Variants in WWC2 observed in about 807,000 individuals in gnomAD.
WWC2 encodes WW and C2 domain containing 2, also known as protein WWC2.
WWC2 carries 101 observed loss-of-function variants against 138.5 expected under a neutral mutation model. That is an observed-to-expected ratio of 0.73 (90% confidence interval 0.62 to 0.86). The LOEUF (loss-of-function observed/expected upper bound fraction) is 0.86, where lower values mean the gene tolerates loss of function less well. WWC2 is among the 40% of genes least tolerant of loss of function. WWC2 has a pLI of 0.00. For synonymous variants in WWC2, 558 were observed against 538.4 expected (o/e 1.04, Z -0.50); for missense variants, 1,420 against 1,419.4 (o/e 1.00, Z -0.01).
chr4:183,296,960 A>G (rs1030172923), intron 21 of WWC2, among the ~76,000 whole-genome samples: 1 of 144,968 alleles, frequency 6.9e-6, no homozygotes, highest in Non-Finnish European at 1.5e-5. Context: ...AAAAAAAAAA[A>G]AAAAAAAAAT....
At chr4:183,282,949 G>T (rs1738129019) in intron 18 of WWC2, 43 bp downstream of exon 18, 2 of 1,503,840 alleles carry the variant, frequency 1.3e-6, no homozygotes, top group Non-Finnish European at 1.8e-6. Context: ...TACCTTACAG[G>T]CACCATGTGG....
At chr4:183,268,319 A>G (rs1054309614) in intron 14 of WWC2, among the ~76,000 whole-genome samples, 1 of 152,190 alleles carries the variant, frequency 6.6e-6, no homozygotes, top group Non-Finnish European at 1.5e-5. Flanking sequence ...ACTTTAAGGT[A>G]GTATTAGAAG....
At chr4:183,268,849 T>C (rs749614101) in intron 14 of WWC2, 122 bp from the exon 15 acceptor site, 2 of 1,092,746 alleles carry the variant, frequency 1.8e-6, no homozygotes, top group Non-Finnish European at 2.6e-6. Flanking sequence ...AGCAACACTT[T>C]AGATTGATCT....
chr4:183,240,556 G>C (rs1193188400), intron 5 of WWC2: 1 of 227,672 alleles, frequency 4.4e-6, no homozygotes, highest in Non-Finnish European at 8.4e-6. Flanking sequence ...GGCCTCCTCT[G>C]AGATTGTGGT....
intron 15 of WWC2, among the ~76,000 whole-genome samples, chr4:183,270,590 C>T (rs1737666585): frequency 6.6e-6 from 1 of 151,928 alleles, no homozygotes; most frequent in South Asian, 2.1e-4. Context: ...ATGGTGAAAC[C>T]CTGTCTCTAC....
chr4:183,138,451 G>T (rs1370415320), intron 1 of WWC2, among the ~76,000 whole-genome samples: 1 of 152,110 alleles, frequency 6.6e-6, no homozygotes, highest in Non-Finnish European at 1.5e-5. Context: ...AGTCTGGCCT[G>T]GTGTTTTCTT....
chr4:183,165,193 G>A (rs1231340463), intron 1 of WWC2, among the ~76,000 whole-genome samples: 1 of 152,112 alleles, frequency 6.6e-6, no homozygotes, highest in African/African-American at 2.4e-5. Context: ...AGAGAGGGTA[G>A]AAGAGGTACA....
chr4:183,248,759 G>A lies in WWC2; in HGVS notation c.778G>A (p.Gly260Ser). The part of the protein sequence containing the change: ...QERFHLDQNI[G>S]RSEPDLRCSP... ...GCGGTTTCATTTGGATCAGAACATT[G>A]GCAGATCTGAGCCAGATTTGAGATG... The change falls in exon 7 of 23, where the codon GGC (glycine) becomes AGC (serine). Residue 260 changes from glycine to serine, a missense_variant. Coordinates refer to ENST00000403733, the MANE Select transcript of WWC2 (RefSeq NM_024949.6). The A allele has an allele frequency of 6.2e-7, 1 of 1,603,836 alleles. No individual in the cohort carries two copies. Among genetic ancestry groups the A allele is most frequent in the Non-Finnish European group, 8.5e-7 (1 of 1,174,808 alleles).
chr4:183,264,266 G>T (rs574107327), intron 11 of WWC2, among the ~76,000 whole-genome samples: 3 of 152,172 alleles, frequency 2.0e-5, no homozygotes, highest in Non-Finnish European at 4.4e-5. Flanking sequence ...AGATCCCTGC[G>T]CTCACTCTCA....
intron 1 of WWC2, among the ~76,000 whole-genome samples, chr4:183,153,662 T>TC (rs1733708872): frequency 6.6e-6 from 1 of 150,454 alleles, no homozygotes; most frequent in East Asian, 1.9e-4. Flanking sequence ...TTTTTTTTTT[T>TC]GGTAAGACAT....
chr4:183,284,179 GT>G, intron 18 of WWC2, 46 bp from the exon 19 acceptor site: 1 of 1,601,352 alleles, frequency 6.2e-7, no homozygotes, highest in Non-Finnish European at 8.5e-7. Flanking sequence ...GGAGCATAAT[GT>G]TTACACATCT....
At chr4:183,315,624 A>G in intron 22 of WWC2, 39 bp from the exon 23 acceptor site, 1 of 1,544,268 alleles carries the variant, frequency 6.5e-7, no homozygotes, top group Non-Finnish European at 8.9e-7. Flanking sequence ...TATTTTTAGC[A>G]TCATATATAA....
At position 183,099,573 on chromosome 4, in the gene WWC2, T is replaced by C; in HGVS notation, c.82T>C (p.Tyr28His). 7.1e-7 allele frequency: 1 copy of C among 1,412,362 alleles called. No homozygotes were observed. The allele number at this position is 1,412,362 out of a possible 1,614,324, so 87.5% of individuals were successfully genotyped here. Residue 28 changes from tyrosine (Y) to histidine (H), a missense_variant, in exon 1 of 23, where the codon TAC becomes CAC. Transcript: ENST00000403733. ...EARDYDGKVF[Y>H]IDHNTRRTSW... Reference sequence around the variant, plus strand: ...CAGGGACTACGACGGCAAGGTCTTCTACATTGACCACAACACCAGGAGGAC... The same window carrying C: ...CAGGGACTACGACGGCAAGGTCTTCCACATTGACCACAACACCAGGAGGAC...
intron 2 of WWC2, among the ~76,000 whole-genome samples, chr4:183,198,382 T>G (rs1329400739): frequency 6.6e-6 from 1 of 152,146 alleles, no homozygotes; most frequent in Non-Finnish European, 1.5e-5. Flanking sequence ...ATACACAGTT[T>G]CTTAAAATTT....
intron 9 of WWC2, among the ~76,000 whole-genome samples, chr4:183,258,811 C>T (rs1328927151): frequency 6.6e-6 from 1 of 152,156 alleles, no homozygotes. Context: ...CATTCTGCTG[C>T]TTACTGCTCT....
chr4:183,267,110 G>C lies in WWC2; in HGVS notation c.2207+1159G>C, dbSNP rs79021450. Reference sequence around the variant, plus strand: ...GAACTCCCTGGGCTCTCCCACCTTGGTCTCCCAAAGTGCTGGGATTACAGG... The same window carrying C: ...GAACTCCCTGGGCTCTCCCACCTTGCTCTCCCAAAGTGCTGGGATTACAGG... On this transcript the variant is annotated intron_variant, in intron 14 of 22. Transcript: ENST00000403733. Among the ~76,000 whole-genome samples, 1,330 of 151,746 alleles carry C rather than the reference G, an allele frequency of 8.8e-3. 24 individuals are homozygous for C. The highest frequency in any genetic ancestry group is 0.031 in the African/African-American group (1,270 of 41,342).
intron 4 of WWC2, among the ~76,000 whole-genome samples, chr4:183,234,433 T>C (rs1033308483): frequency 1.3e-5 from 2 of 152,228 alleles, no homozygotes; most frequent in African/African-American, 4.8e-5. Context: ...GGGCCTTTCA[T>C]GTCTTCATTT....
At chr4:183,131,694 C>G (rs1234051255) in intron 1 of WWC2, among the ~76,000 whole-genome samples, 2 of 152,168 alleles carry the variant, frequency 1.3e-5, no homozygotes, top group Non-Finnish European at 2.9e-5. Context: ...TTAGTATAGT[C>G]AGATTTGTCC....
intron 4 of WWC2, among the ~76,000 whole-genome samples, chr4:183,210,241 T>C (rs1735558841): frequency 6.6e-6 from 1 of 152,028 alleles, no homozygotes; most frequent in Middle Eastern, 3.2e-3. Context: ...TATACTGAGA[T>C]AGAGAATAAA....
Sources: gnomAD v4.1 joint callset for allele counts (sites outside exome capture counted in the v4.1 genomes callset) on GRCh38, gnomAD v4.1.1 for gene constraint, MANE v1.5 for transcripts, NCBI Gene and HGNC (gene_info 2026-07-23, HGNC 2026-07-21) for gene names.